MTMR9: variants seen among roughly 807,000 people sequenced by gnomAD.
MTMR9 encodes myotubularin related protein 9.
In MTMR9, 39 loss-of-function variants were observed where a neutral mutation model predicts 69.5. That is an observed-to-expected ratio of 0.56 (90% confidence interval 0.43 to 0.73). The LOEUF is 0.73. MTMR9 is among the 30% of genes least tolerant of loss of function. MTMR9 has a pLI of 0.00. For synonymous variants in MTMR9, 354 were observed against 240.8 expected (o/e 1.47, Z -4.35); for missense variants, 900 against 671.2 (o/e 1.34, Z -3.77).
At chr8:11,332,082 C>G (rs62488717), downstream of MTMR9, 1 of 1,554,362 alleles carries the variant, frequency 6.4e-7, no homozygotes, top group South Asian at 1.2e-5. Flanking sequence ...CATTACAGCC[C>G]GGAACCTCAG....
chr8:11,285,146 G>A, intron 1 of MTMR9, 76 bp downstream of exon 1: 1 of 1,393,544 alleles, frequency 7.2e-7, no homozygotes. Context: ...ACTTCCTGGC[G>A]TTTTCCGCGC....
At chr8:11,319,608 A>G in intron 8 of MTMR9, 79 bp from the exon 9 acceptor site, 1 of 1,421,694 alleles carries the variant, frequency 7.0e-7, no homozygotes, top group South Asian at 1.2e-5. Context: ...ACTGAGAAGA[A>G]ATTGTCCTCG....
intron 1 of MTMR9, among the ~76,000 whole-genome samples, chr8:11,288,304 TA>T (rs1799262061): frequency 1.4e-5 from 2 of 139,382 alleles, no homozygotes; most frequent in African/African-American, 5.4e-5. Flanking sequence ...ATATATATTA[TA>T]ATATGTATAT....
chr8:11,316,967 T>C (rs1936741345), intron 8 of MTMR9, 74 bp downstream of exon 8: 3 of 934,932 alleles, frequency 3.2e-6, no homozygotes, highest in Non-Finnish European at 3.2e-6. Flanking sequence ...CAGAATCTCC[T>C]AGGAGACGAC....
chr8:11,290,520 C>T (rs919618177), intron 1 of MTMR9, among the ~76,000 whole-genome samples: 1 of 151,980 alleles, frequency 6.6e-6, no homozygotes, highest in African/African-American at 2.4e-5. Context: ...AACTCCTTCC[C>T]TGTCCCCAAA....
chr8:11,314,876 C>T, intron 6 of MTMR9, 47 bp from the exon 7 acceptor site: 1 of 1,584,874 alleles, frequency 6.3e-7, no homozygotes. Context: ...GTTCATTGAC[C>T]ATGTTGGACA....
chr8:11,328,180 T>C (rs1038133032), downstream of MTMR9: 1 of 152,146 alleles, frequency 6.6e-6, no homozygotes, highest in African/African-American at 2.4e-5. Context: ...TTTTCAAATA[T>C]TGGTGAAGGT....
downstream of MTMR9, among the ~76,000 whole-genome samples, chr8:11,329,552 G>C (rs1801111231): frequency 6.6e-6 from 1 of 152,278 alleles, no homozygotes; most frequent in Non-Finnish European, 1.5e-5. Flanking sequence ...CTAACCGCGA[G>C]TGATCCGCCA....
At chr8:11,322,511 G>T in intron 9 of MTMR9, 114 bp from the exon 10 acceptor site, 1 of 819,886 alleles carries the variant, frequency 1.2e-6, no homozygotes, top group Non-Finnish European at 1.9e-6. Context: ...GTGAGTTGTG[G>T]CAACAAAAGA....
chr8:11,304,530 AACTTGT>A (rs1799868937), intron 3 of MTMR9, among the ~76,000 whole-genome samples: 1 of 152,192 alleles, frequency 6.6e-6, no homozygotes, highest in African/African-American at 2.4e-5. Flanking sequence ...TAAAATAGGG[AACTTGT>A]ACGGTGTTGT....
At chr8:11,319,863 T>G in intron 9 of MTMR9, 25 bp downstream of exon 9, 1 of 1,612,554 alleles carries the variant, frequency 6.2e-7, no homozygotes, top group South Asian at 1.1e-5. Context: ...CTTTGCAAAC[T>G]TCTTAACGGT....
chr8:11,289,613 C>G (rs1276394604), intron 1 of MTMR9, among the ~76,000 whole-genome samples: 4 of 152,028 alleles, frequency 2.6e-5, no homozygotes, highest in African/African-American at 9.7e-5. Flanking sequence ...TTTTCACTCC[C>G]GTTTCCTGCC....
At chr8:11,314,853 T>C (rs184610481) in intron 6 of MTMR9, 70 bp from the exon 7 acceptor site, 5 of 1,483,182 alleles carry the variant, frequency 3.4e-6, no homozygotes, top group Non-Finnish European at 4.7e-6. Context: ...AATAAACGCT[T>C]GTTATTAACA....
chr8:11,306,529 G>A, intron 5 of MTMR9, 122 bp downstream of exon 5: 3 of 814,540 alleles, frequency 3.7e-6, no homozygotes, highest in Non-Finnish European at 3.8e-6. Context: ...GGTCAATGAT[G>A]GGCTAGCCAT....
the MTMR9 span, among the ~76,000 whole-genome samples, chr8:11,338,836 C>T: frequency 6.6e-6 from 1 of 152,190 alleles, no homozygotes; most frequent in Non-Finnish European, 1.5e-5. Context: ...CAACTTTAGA[C>T]AGTAGCAATT....
At chr8:11,322,194 A>T (rs1035305868) in intron 9 of MTMR9, among the ~76,000 whole-genome samples, 2 of 152,196 alleles carry the variant, frequency 1.3e-5, no homozygotes, top group African/African-American at 4.8e-5. Flanking sequence ...TGTAGTTGTC[A>T]CTTTTCAGGT....
At position 11,322,776 on chromosome 8, in the gene MTMR9, G is replaced by C; in HGVS notation, c.1638G>C (p.Gln546His). 1 of 1,613,894 alleles carries C rather than the reference G, an allele frequency of 6.2e-7. No individual in the cohort carries two copies. The part of the protein sequence containing the change: ...LAELETEDGM[Q>H]ESP ...AACTGGAAACAGAGGACGGGATGCAGGAGAGTCCCTGAAAGGTCTCCTCGC... is the reference window on the plus strand; with the variant it reads ...AACTGGAAACAGAGGACGGGATGCACGAGAGTCCCTGAAAGGTCTCCTCGC... Residue 546 changes from glutamine (Q) to histidine (H), a missense_variant, in exon 10 of 10, where the codon CAG (glutamine) becomes CAC (histidine). By Grantham distance (24) the Gln-to-His change is conservative. Transcript: ENST00000221086.
the MTMR9 span, among the ~76,000 whole-genome samples, chr8:11,337,865 C>T: frequency 1.3e-5 from 2 of 152,188 alleles, no homozygotes; most frequent in Non-Finnish European, 2.9e-5. Context: ...GTTGAGTCTT[C>T]ACAAGATAGT....
chr8:11,295,140 T>G, intron 1 of MTMR9, 54 bp from the exon 2 acceptor site: 1 of 890,082 alleles, frequency 1.1e-6, no homozygotes, highest in Non-Finnish European at 1.8e-6. Flanking sequence ...AATAATAATA[T>G]ATTTAAAGTT....
Sources: allele counts gnomAD v4.1 joint callset (sites outside exome capture counted in the v4.1 genomes callset), GRCh38; gene constraint gnomAD v4.1.1; transcripts MANE v1.5; gene names NCBI Gene and HGNC (gene_info 2026-07-23, HGNC 2026-07-21).